Variants in HNRNPC observed in about 807,000 individuals in gnomAD.
HNRNPC encodes heterogeneous nuclear ribonucleoproteins C1/C2.
A neutral mutation model predicts 33.2 loss-of-function variants in HNRNPC; 3 were observed. The ratio of observed to expected loss-of-function variants is 0.09; its 90% CI spans 0.04 to 0.23. The LOEUF is 0.23. HNRNPC is among the 10% of genes least tolerant of loss of function. HNRNPC has a pLI of 1.00. For synonymous variants in HNRNPC, 121 were observed against 126.7 expected (o/e 0.96, Z 0.30); for missense variants, 143 against 366.7 (o/e 0.39, Z 4.98).
intron 2 of HNRNPC, among the ~76,000 whole-genome samples, chr14:21,237,627 T>A (rs530666901): frequency 6.6e-6 from 1 of 152,328 alleles, no homozygotes; most frequent in South Asian, 2.1e-4. Flanking sequence ...TGGTGTGGTT[T>A]CTCGAGCACC....
chr14:21,213,258 ACCT>A, intron 5 of HNRNPC, 141 bp from the exon 6 acceptor site: 1 of 817,006 alleles, frequency 1.2e-6, no homozygotes, highest in Non-Finnish European at 1.9e-6. Context: ...GCCAGCAAAA[ACCT>A]CCACAGTGGG....
At chr14:21,219,322 T>A (rs374572082) in intron 5 of HNRNPC, among the ~76,000 whole-genome samples, 17 of 152,170 alleles carry the variant, frequency 1.1e-4, no homozygotes, top group African/African-American at 3.6e-4. Flanking sequence ...TATATGACTA[T>A]GCATTTTGTA....
chr14:21,253,592 A>G (rs1896900350), intron 2 of HNRNPC, among the ~76,000 whole-genome samples: 1 of 152,104 alleles, frequency 6.6e-6, no homozygotes, highest in South Asian at 2.1e-4. Flanking sequence ...CTCAAAATCT[A>G]TCAACATTTT....
intron 2 of HNRNPC, among the ~76,000 whole-genome samples, chr14:21,261,183 T>C (rs1222484491): frequency 6.6e-6 from 1 of 152,134 alleles, no homozygotes; most frequent in East Asian, 1.9e-4. Flanking sequence ...TCATCATATA[T>C]GGACATTATT....
intron 2 of HNRNPC, among the ~76,000 whole-genome samples, chr14:21,256,380 C>A (rs1283964671): frequency 4.6e-5 from 7 of 151,896 alleles, no homozygotes; most frequent in Admixed American, 6.6e-5. Context: ...ACCCGGGAGG[C>A]AGAGGTTGCG....
intron 1 of HNRNPC, chr14:21,265,278 G>A (rs542019408): frequency 6.6e-6 from 1 of 152,162 alleles, no homozygotes; most frequent in South Asian, 2.1e-4. Flanking sequence ...CTTATTTGGA[G>A]CCACAGCCCA....
At chr14:21,258,759 C>T (rs1168745224) in intron 2 of HNRNPC, among the ~76,000 whole-genome samples, 3 of 152,170 alleles carry the variant, frequency 2.0e-5, no homozygotes, top group Non-Finnish European at 4.4e-5. Context: ...TTCCTGGAGC[C>T]TCATCAGTTC....
chr14:21,227,758 AAG>A (rs1239623845), intron 5 of HNRNPC, among the ~76,000 whole-genome samples: 2 of 152,224 alleles, frequency 1.3e-5, no homozygotes, highest in Non-Finnish European at 2.9e-5. Context: ...TTGCCAAGAA[AAG>A]ACTTTTTAAT....
At chr14:21,229,256 G>A (rs958375968) in intron 5 of HNRNPC, among the ~76,000 whole-genome samples, 7 of 151,726 alleles carry the variant, frequency 4.6e-5, no homozygotes, top group Non-Finnish European at 8.8e-5. Context: ...CGGGTGTGGT[G>A]GCGGGCGCCT....
chr14:21,232,968 C>CT (rs1489614459), intron 3 of HNRNPC, among the ~76,000 whole-genome samples: 1 of 151,830 alleles, frequency 6.6e-6, no homozygotes, highest in African/African-American at 2.4e-5. Context: ...ACCCGGGAGG[C>CT]TGAGGTTACA....
At position 21,212,953 on chromosome 14, in the gene HNRNPC, T is replaced by C. The variant is rs1473142039; in HGVS notation, c.523+7A>G. 4.3e-6 allele frequency: 7 copies of C among 1,612,752 alleles called. No individual in the cohort carries two copies. The highest frequency in any genetic ancestry group is 2.2e-5 in the South Asian group (2 of 91,020). Reference sequence around the variant, plus strand: ...ATACCAAAATCACAAAATGAAATAATACATACACTTTCCAGACTTGGAAGA... The same window carrying C: ...ATACCAAAATCACAAAATGAAATAACACATACACTTTCCAGACTTGGAAGA... On this transcript the variant is annotated splice_region_variant and intron_variant, in intron 6 of 8. Coordinates refer to ENST00000553300, the MANE Select transcript of HNRNPC (RefSeq NM_004500.4).
intron 5 of HNRNPC, among the ~76,000 whole-genome samples, chr14:21,219,125 G>C (rs868314903): frequency 7.8e-6 from 1 of 128,352 alleles, no homozygotes; most frequent in South Asian, 2.4e-4. Context: ...AAAAAAAAAA[G>C]AAGAAAAAGA....
At chr14:21,253,461 CAAAAAAAA>C (rs71112561) in intron 2 of HNRNPC, among the ~76,000 whole-genome samples, 7 of 77,254 alleles carry the variant, frequency 9.1e-5, no homozygotes, top group Admixed American at 3.1e-4. Flanking sequence ...GACTCCATCT[CAAAAAAAA>C]AAAAAAAAAA....
At chr14:21,248,827 C>T (rs1465467702) in intron 2 of HNRNPC, among the ~76,000 whole-genome samples, 1 of 152,118 alleles carries the variant, frequency 6.6e-6, no homozygotes, top group Non-Finnish European at 1.5e-5. Flanking sequence ...TTTAAAACTG[C>T]GTGTTTTTTG....
In HNRNPC at chr14:21,211,551, T is replaced by A. The variant is rs200789242; in HGVS notation, c.653A>T (p.Asp218Val). Residue 218 changes from aspartate to valine, a missense_variant, in exon 8 of 9, where the codon GAT (aspartate) becomes GTT (valine). Physicochemically the swap from Asp to Val is radical, Grantham distance 152. Around this residue, in one of 2 missense-constraint regions of HNRNPC, gnomAD observed 131 missense variants for 253.0 expected, o/e 0.52. Coordinates refer to ENST00000553300, the MANE Select transcript of HNRNPC (RefSeq NM_004500.4). Reference protein sequence around the residue: ...QSKQAVEMKNDKSEEEQSSSS... With the variant: ...QSKQAVEMKNVKSEEEQSSSS... ...GCTGCTCTGCTCCTCTTCTGACTTA[T>A]CATTCTTCATCTCTACTGCGGATGA... 6.2e-7 allele frequency: 1 copy of A among 1,600,782 alleles called. No individual in the cohort carries two copies. Among genetic ancestry groups the A allele is most frequent in the Middle Eastern group, 1.7e-4 (1 of 6,040 alleles).
At chr14:21,250,021 A>G (rs988840921) in intron 2 of HNRNPC, among the ~76,000 whole-genome samples, 4 of 152,196 alleles carry the variant, frequency 2.6e-5, no homozygotes, top group Non-Finnish European at 2.9e-5. Flanking sequence ...TATTTCTAAT[A>G]TAACTGATAA....
intron 2 of HNRNPC, among the ~76,000 whole-genome samples, chr14:21,248,300 C>G (rs1311151829): frequency 6.6e-6 from 1 of 152,314 alleles, no homozygotes; most frequent in Admixed American, 6.5e-5. Context: ...CCATCTCAGC[C>G]TCCAAAATTT....
rs192457674 is a variant in HNRNPC, at chr14:21,218,588, T to A, written c.366-5471A>T. Among the ~76,000 whole-genome samples the A allele has an allele frequency of 2.3e-3, 326 of 141,590 alleles. 4 individuals are homozygous for A. Among genetic ancestry groups the A allele is most frequent in the African/African-American group, 8.4e-3 (317 of 37,592 alleles). 92.9% of individuals were successfully genotyped at this position (141,590 alleles called of 152,430 possible). A position where few individuals can be genotyped will look rare whatever the true frequency, so the allele number is the denominator to read the frequency against. On this transcript the variant is annotated intron_variant, in intron 5 of 8. Coordinates refer to ENST00000553300, the MANE Select transcript of HNRNPC (RefSeq NM_004500.4). ...CTGTAGTCCCAGCTACTCAGGAGGC[T>A]GAGGCACTGCTTGAACCTGGGAAGC...
At chr14:21,253,882 G>A (rs916213388) in intron 2 of HNRNPC, among the ~76,000 whole-genome samples, 5 of 151,746 alleles carry the variant, frequency 3.3e-5, no homozygotes, top group South Asian at 4.2e-4. Context: ...TGGCTAACAC[G>A]GTGAATCCCC....
Sources: gnomAD v4.1 joint callset for allele counts (sites outside exome capture counted in the v4.1 genomes callset) on GRCh38, gnomAD v4.1.1 for gene constraint, gnomAD v4.1.1 regional missense constraint, MANE v1.5 for transcripts, NCBI Gene and HGNC (gene_info 2026-07-23, HGNC 2026-07-21) for gene names.